FBRSL1: variants seen among roughly 807,000 people sequenced by gnomAD.
FBRSL1 encodes fibrosin like 1.
Under a neutral mutation model 89.6 loss-of-function variants are expected in FBRSL1, and 51 were observed. That is an observed-to-expected ratio of 0.57 (90% CI 0.45 to 0.72). The LOEUF (loss-of-function observed/expected upper bound fraction) is 0.72, where lower values mean the gene tolerates loss of function less well. Ranked by LOEUF, FBRSL1 falls within the 30% of genes least tolerant of loss-of-function variation. FBRSL1 has a pLI of 0.00. For synonymous variants in FBRSL1, 779 were observed against 681.1 expected (o/e 1.14, Z -2.24); for missense variants, 1,618 against 1,451.8 (o/e 1.11, Z -1.86).
intron 2 of FBRSL1, among the ~76,000 whole-genome samples, chr12:132,516,463 G>A (rs555450171): frequency 1.3e-5 from 2 of 152,286 alleles, no homozygotes; most frequent in South Asian, 2.1e-4. Flanking sequence ...GGGAACAGGC[G>A]TGAACCACCA....
chr12:132,580,758 G>A, intron 15 of FBRSL1: 17 of 985,396 alleles, frequency 1.7e-5, no homozygotes, highest in Non-Finnish European at 2.0e-5. Context: ...GAGGGAGTCG[G>A]AGTAACCTAA....
chr12:132,496,917 C>T (rs919783861), intron 1 of FBRSL1, among the ~76,000 whole-genome samples: 2 of 142,470 alleles, frequency 1.4e-5, no homozygotes, highest in East Asian at 2.4e-4. Flanking sequence ...CAGCTTGTGC[C>T]GCTGCCCCGC....
intron 9 of FBRSL1, chr12:132,571,595 G>T: frequency 9.3e-7 from 1 of 1,077,890 alleles, no homozygotes; most frequent in South Asian, 2.4e-5. Flanking sequence ...GGCACACACA[G>T]ACACACGCTC....
chr12:132,556,372 C>G (rs1297671770), intron 5 of FBRSL1, among the ~76,000 whole-genome samples: 1 of 152,170 alleles, frequency 6.6e-6, no homozygotes, highest in Non-Finnish European at 1.5e-5. Context: ...TGGCTGTGGC[C>G]TACACAGGCC....
intron 2 of FBRSL1, among the ~76,000 whole-genome samples, chr12:132,523,148 C>G (rs2035508233): frequency 6.6e-6 from 1 of 152,092 alleles, no homozygotes; most frequent in African/African-American, 2.4e-5. Flanking sequence ...GATCTTGTCC[C>G]TCCAGCTCCT....
chr12:132,493,282 C>T (rs193250545), intron 1 of FBRSL1, among the ~76,000 whole-genome samples: 2 of 152,244 alleles, frequency 1.3e-5, no homozygotes, highest in African/African-American at 2.4e-5. Flanking sequence ...CCCCCACCCG[C>T]GTCTTGAGGG....
At chr12:132,493,698 A>C (rs2031506864) in intron 1 of FBRSL1, among the ~76,000 whole-genome samples, 2 of 152,138 alleles carry the variant, frequency 1.3e-5, no homozygotes, top group Admixed American at 6.5e-5. Flanking sequence ...TGCCCGGGGC[A>C]GGCCCCCGCC....
intron 4 of FBRSL1, among the ~76,000 whole-genome samples, chr12:132,543,281 G>A (rs549847138): frequency 7.2e-5 from 11 of 152,232 alleles, no homozygotes; most frequent in Non-Finnish European, 1.5e-4. Context: ...AAACAGGCTC[G>A]GAGAAACGAA....
intron 1 of FBRSL1, among the ~76,000 whole-genome samples, chr12:132,504,896 G>T (rs1030473847): frequency 2.1e-4 from 32 of 152,296 alleles, no homozygotes; most frequent in African/African-American, 6.0e-4. Context: ...CTGGGGGGCT[G>T]AGGTGGGCGG....
intron 4 of FBRSL1, among the ~76,000 whole-genome samples, chr12:132,535,204 T>A (rs1018929997): frequency 6.6e-6 from 1 of 152,266 alleles, no homozygotes; most frequent in African/African-American, 2.4e-5. Flanking sequence ...AGTTAGCACT[T>A]TGAGCCTGAC....
At chr12:132,505,983 T>C (rs1336755123) in intron 1 of FBRSL1, among the ~76,000 whole-genome samples, 1 of 152,018 alleles carries the variant, frequency 6.6e-6, no homozygotes, top group Non-Finnish European at 1.5e-5. Context: ...TGGCTGGGGG[T>C]GTGTGGGCAC....
At chr12:132,554,005 G>A (rs1013827090) in intron 5 of FBRSL1, 1 of 152,300 alleles carries the variant, frequency 6.6e-6, no homozygotes, top group Non-Finnish European at 1.5e-5. Flanking sequence ...CAAGAACAGA[G>A]CCTGGATCGT....
At position 132,499,748 on chromosome 12, in the gene FBRSL1, A is replaced by C. The variant is rs1460018941; in HGVS notation, c.292-8405A>C. ...GGGGGTGGGGCGCTGCGCAGCACCT[A>C]AACTCCGTGAGATCAGGTGCTCTGG... is the stretch of plus-strand genomic sequence containing the variant. On this transcript the variant is annotated intron_variant, in intron 1 of 18. Transcript: ENST00000680143. This position sits in a 1 kb window ranked among gnomAD's most constrained non-coding sequence, Gnocchi z 4.3. Among the ~76,000 whole-genome samples, 3 of 151,990 alleles carry C rather than the reference A, an allele frequency of 2.0e-5. No homozygotes were observed. Among genetic ancestry groups the C allele is most frequent in the Non-Finnish European group, 4.4e-5 (3 of 67,958 alleles).
In FBRSL1 at chr12:132,583,503, C is replaced by G. The variant is rs1166915975; in HGVS notation, c.2734C>G (p.Pro912Ala). ...GCGCGCGCGGGCCCCGCACCTGCCG[C>G]CCGCCGCCCCCGCCTTGGACGGCGC... is the stretch of plus-strand genomic sequence containing the variant. ...LERARAPHLPPAAPALDGALL... is the reference protein window; with the variant it reads ...LERARAPHLPAAAPALDGALL... Residue 912 changes from proline to alanine, a missense_variant, in exon 19 of 19, where the codon CCC becomes GCC. Physicochemically the swap from Pro to Ala is conservative, Grantham distance 27. Coordinates refer to ENST00000680143, the MANE Select transcript of FBRSL1 (RefSeq NM_001367871.1). 3 of 1,042,496 alleles carry G rather than the reference C, an allele frequency of 2.9e-6. No individual in the cohort carries two copies. The highest frequency in any genetic ancestry group is 4.7e-4 in the Middle Eastern group (1 of 2,118). The allele number at this position is 1,042,496 out of a possible 1,614,324, so 64.6% of individuals were successfully genotyped here.
chr12:132,566,526 C>T (rs1284637052), intron 5 of FBRSL1: 3 of 152,192 alleles, frequency 2.0e-5, no homozygotes, highest in Non-Finnish European at 4.4e-5. Context: ...GCCCTCCGTC[C>T]ACCCCTCCCC....
chr12:132,498,153 C>T (rs1256156740), intron 1 of FBRSL1, among the ~76,000 whole-genome samples: 3 of 152,118 alleles, frequency 2.0e-5, no homozygotes, highest in Non-Finnish European at 4.4e-5. Flanking sequence ...CAGGGAAAGC[C>T]GGCCGTCCAG....
chr12:132,581,767 G>A lies in FBRSL1; in HGVS notation c.1939G>A (p.Gly647Arg). 1 of 1,549,938 alleles carries A rather than the reference G, an allele frequency of 6.5e-7. No homozygotes were observed. ...CCCTTTCAGCAGACCGAGCACCTTT[G>A]GGGGCCTGGGCAGCCTGAGCAGCCA... is the stretch of plus-strand genomic sequence containing the variant. Reference protein sequence around the residue: ...TDPFSRPSTFGGLGSLSSHAF... With the variant: ...TDPFSRPSTFRGLGSLSSHAF... The change falls in exon 17 of 19, where the codon GGG (glycine) becomes AGG (arginine). Residue 647 changes from glycine to arginine, a missense_variant. Transcript: ENST00000680143.
At chr12:132,556,876 G>A (rs530035013) in intron 5 of FBRSL1, among the ~76,000 whole-genome samples, 2 of 151,428 alleles carry the variant, frequency 1.3e-5, no homozygotes, top group African/African-American at 4.9e-5. Context: ...CCCCCGTCCC[G>A]TGGGAGGTTC....
intron 1 of FBRSL1, among the ~76,000 whole-genome samples, chr12:132,491,356 A>G (rs555447565): frequency 2.6e-5 from 4 of 152,346 alleles, no homozygotes; most frequent in South Asian, 4.1e-4. Context: ...TGCCTGCTGC[A>G]TGGTTAATAG....
Sources: allele counts gnomAD v4.1 joint callset (sites outside exome capture counted in the v4.1 genomes callset), GRCh38; gene constraint gnomAD v4.1.1; non-coding constraint Gnocchi (gnomAD v3.1); transcripts MANE v1.5; gene names NCBI Gene and HGNC (gene_info 2026-07-23, HGNC 2026-07-21).